The following VRK1 variants were observed in gnomAD, a reference collection of about 807,000 sequenced individuals.
The protein encoded by VRK1 is VRK serine/threonine kinase 1, also known as serine/threonine-protein kinase VRK1.
VRK1 carries 33 observed loss-of-function variants against 57.1 expected under a neutral mutation model. The observed-to-expected ratio is 0.58, with a 90% CI of 0.44 to 0.77. The LOEUF is 0.77. Ranked by LOEUF, VRK1 falls within the 30% of genes least tolerant of loss-of-function variation. The pLI is 0.00. For synonymous variants in VRK1, 137 were observed against 147.8 expected, an observed-to-expected ratio of 0.93 and a Z score of 0.53; for missense variants, 413 against 477.3, an observed-to-expected ratio of 0.87 and a Z score of 1.25.
chr14:96,854,499 A>G (rs1281402642), intron 7 of VRK1, among the ~76,000 whole-genome samples: 1 of 152,112 alleles, frequency 6.6e-6, no homozygotes, highest in Non-Finnish European at 1.5e-5. Context: ...AGAATTAGAG[A>G]TGTAATGTGT....
At chr14:96,879,243 G>GT (rs1263362915) in intron 12 of VRK1, among the ~76,000 whole-genome samples, 1 of 151,420 alleles carries the variant, frequency 6.6e-6, no homozygotes, top group East Asian at 1.9e-4. Flanking sequence ...AGATAAGGTA[G>GT]TTTTTTTTGT....
chr14:96,797,979 C>T (rs1003537211), intron 1 of VRK1, among the ~76,000 whole-genome samples: 2 of 152,142 alleles, frequency 1.3e-5, no homozygotes, highest in African/African-American at 2.4e-5. Flanking sequence ...TTAGGTGATC[C>T]GGGAGGGCAT....
At chr14:96,828,248 T>C (rs961714771) in intron 1 of VRK1, among the ~76,000 whole-genome samples, 11 of 152,224 alleles carry the variant, frequency 7.2e-5, no homozygotes, top group Non-Finnish European at 1.5e-4. Flanking sequence ...TGTACATGCA[T>C]AGAAGTTGAA....
intron 3 of VRK1, among the ~76,000 whole-genome samples, chr14:96,838,683 G>A (rs1887322023): frequency 6.6e-6 from 1 of 152,116 alleles, no homozygotes; most frequent in Non-Finnish European, 1.5e-5. Context: ...TCCCGCCCAC[G>A]ACACATGGGG....
intron 1 of VRK1, among the ~76,000 whole-genome samples, chr14:96,814,811 A>G (rs928147073): frequency 1.3e-5 from 2 of 152,192 alleles, no homozygotes; most frequent in African/African-American, 4.8e-5. Flanking sequence ...TTCCATGCCA[A>G]TGTATGTAGA....
At chr14:96,813,479 T>C (rs1268985996) in intron 1 of VRK1, among the ~76,000 whole-genome samples, 1 of 152,180 alleles carries the variant, frequency 6.6e-6, no homozygotes, top group Non-Finnish European at 1.5e-5. Flanking sequence ...TCATATATTC[T>C]TCAGTGGCGT....
intron 12 of VRK1, among the ~76,000 whole-genome samples, chr14:96,880,692 A>G (rs1889226517): frequency 6.6e-6 from 1 of 152,206 alleles, no homozygotes; most frequent in Admixed American, 6.5e-5. Context: ...CCATTTCAGT[A>G]TATCCCAGTG....
At chr14:96,798,046 TAGC>T (rs1201582238) in intron 1 of VRK1, among the ~76,000 whole-genome samples, 1 of 152,036 alleles carries the variant, frequency 6.6e-6, no homozygotes, top group Non-Finnish European at 1.5e-5. Context: ...CCCCTGAGGA[TAGC>T]AGCCAGGCCT....
intron 2 of VRK1, among the ~76,000 whole-genome samples, chr14:96,837,205 C>T (rs1476721235): frequency 2.6e-5 from 4 of 152,122 alleles, no homozygotes; most frequent in African/African-American, 9.7e-5. Flanking sequence ...TATTCTGGGG[C>T]AACTGTACTT....
chr14:96,802,986 T>C (rs1796038312), intron 1 of VRK1, among the ~76,000 whole-genome samples: 1 of 152,174 alleles, frequency 6.6e-6, no homozygotes, highest in Admixed American at 6.5e-5. Flanking sequence ...AGCCCTCTTA[T>C]TCTGTCCCAG....
chr14:96,835,012 T>A (rs1373901411), intron 2 of VRK1, among the ~76,000 whole-genome samples: 1 of 152,214 alleles, frequency 6.6e-6, no homozygotes, highest in Non-Finnish European at 1.5e-5. Context: ...AAACTTGCCC[T>A]GTGTGTGTCT....
chr14:96,811,569 C>T (rs1199592257), intron 1 of VRK1, among the ~76,000 whole-genome samples: 1 of 152,148 alleles, frequency 6.6e-6, no homozygotes, highest in African/African-American at 2.4e-5. Context: ...GTTTGTGTCT[C>T]TAAGAAGAGT....
At chr14:96,855,100 G>A in intron 7 of VRK1, 124 bp from the exon 8 acceptor site, 1 of 1,343,246 alleles carries the variant, frequency 7.4e-7, no homozygotes, top group South Asian at 1.2e-5. Context: ...ATTGTTTGGA[G>A]TGTTATGGAA....
rs140142317 is a variant in VRK1, at chr14:96,877,007, A to G, written c.1159+887A>G. Among the ~76,000 whole-genome samples, 11 of 152,070 alleles carry G rather than the reference A, an allele frequency of 7.2e-5. 1 individual carries two copies. The highest frequency in any genetic ancestry group is 1.5e-4 in the Non-Finnish European group (10 of 67,966). ...GATATGATGATGTACTTGACTCAATAAAGAGAGCTATTCAGTGTGGCCCAC... is the reference window on the plus strand; with the variant it reads ...GATATGATGATGTACTTGACTCAATGAAGAGAGCTATTCAGTGTGGCCCAC... On this transcript the variant is annotated intron_variant, in intron 12 of 12. Coordinates refer to ENST00000216639, the MANE Select transcript of VRK1 (RefSeq NM_003384.3).
At chr14:96,800,507 A>G (rs760543337) in intron 1 of VRK1, among the ~76,000 whole-genome samples, 10 of 152,208 alleles carry the variant, frequency 6.6e-5, no homozygotes, top group Non-Finnish European at 1.5e-4. Context: ...GTATTCATCA[A>G]TAAATACTGA....
intron 1 of VRK1, among the ~76,000 whole-genome samples, chr14:96,814,120 A>G (rs1886306133): frequency 6.6e-6 from 1 of 152,192 alleles, no homozygotes; most frequent in Non-Finnish European, 1.5e-5. Flanking sequence ...TGTGATATAG[A>G]TTACTCATTT....
At chr14:96,807,066 A>G (rs189391322) in intron 1 of VRK1, among the ~76,000 whole-genome samples, 3 of 152,322 alleles carry the variant, frequency 2.0e-5, no homozygotes, top group Admixed American at 2.0e-4. Context: ...AGAATTTCTC[A>G]ACCATGGGAC....
intron 11 of VRK1, among the ~76,000 whole-genome samples, chr14:96,861,706 T>A (rs1888395797): frequency 6.6e-6 from 1 of 152,232 alleles, no homozygotes; most frequent in East Asian, 1.9e-4. Context: ...ATAGCAGGTC[T>A]CTGTAATTTC....
rs951559408 is a variant in VRK1, at chr14:96,811,728, A to G, written c.-6+14281A>G. Among the ~76,000 whole-genome samples the G allele has an allele frequency of 4.0e-5, 6 of 148,558 alleles. No individual in the cohort carries two copies. The East Asian group carries it at 5.9e-4, about 14-fold the overall frequency. Reference sequence around the variant, plus strand: ...CAGAACGCTATAATCCAGTGTAGCTATTTTTCTTTGTTATCCTTGCTATCA... The same window carrying G: ...CAGAACGCTATAATCCAGTGTAGCTGTTTTTCTTTGTTATCCTTGCTATCA... On this transcript the variant is annotated intron_variant, in intron 1 of 12. Coordinates refer to ENST00000216639, the MANE Select transcript of VRK1 (RefSeq NM_003384.3).
Sources: allele counts gnomAD v4.1 joint callset (sites outside exome capture counted in the v4.1 genomes callset), GRCh38; gene constraint gnomAD v4.1.1; transcripts MANE v1.5; gene names NCBI Gene and HGNC (gene_info 2026-07-23, HGNC 2026-07-21).